Variants in MCTP1 observed in about 807,000 individuals in gnomAD.
MCTP1 encodes the protein multiple C2 and transmembrane domain containing 1.
In MCTP1, 69 loss-of-function variants were observed where a neutral mutation model predicts 120.6. The ratio of observed to expected loss-of-function variants is 0.57; its 90% CI spans 0.47 to 0.70. The LOEUF (loss-of-function observed/expected upper bound fraction) is 0.70, where lower values mean the gene tolerates loss of function less well. Ranked by LOEUF, MCTP1 falls within the 30% of genes least tolerant of loss-of-function variation. The pLI, the probability that MCTP1 is intolerant of heterozygous loss-of-function variation, is 0.00. For missense variants in MCTP1, 1,203 were observed against 1,248.8 expected (o/e 0.96, Z 0.55); for synonymous variants, 529 against 493.1 (o/e 1.07, Z -0.96).
chr5:94,995,758 C>T (rs1832503532), intron 2 of MCTP1, among the ~76,000 whole-genome samples: 1 of 152,042 alleles, frequency 6.6e-6, no homozygotes, highest in African/African-American at 2.4e-5. Context: ...TTAATAGATG[C>T]ATAAAAATTT....
chr5:94,929,138 C>T (rs1358993098), intron 6 of MCTP1, among the ~76,000 whole-genome samples: 1 of 152,054 alleles, frequency 6.6e-6, no homozygotes, highest in East Asian at 1.9e-4. Context: ...TTTAAAAGAA[C>T]AACAACCGAG....
intron 1 of MCTP1, among the ~76,000 whole-genome samples, chr5:95,167,312 T>C (rs1335308002): frequency 2.0e-5 from 3 of 152,238 alleles, no homozygotes; most frequent in Non-Finnish European, 2.9e-5. Context: ...CTATCATTGA[T>C]GGACATTTGG....
intron 2 of MCTP1, among the ~76,000 whole-genome samples, chr5:94,994,748 C>A (rs1247829525): frequency 6.6e-6 from 1 of 152,224 alleles, no homozygotes; most frequent in South Asian, 2.1e-4. Context: ...AAAAGGCAGA[C>A]CCGCCCTCCA....
chr5:94,900,373 G>C (rs1167007057), intron 10 of MCTP1, among the ~76,000 whole-genome samples: 1 of 152,158 alleles, frequency 6.6e-6, no homozygotes, highest in African/African-American at 2.4e-5. Flanking sequence ...CTGGTGCACT[G>C]TAAGTATTAA....
chr5:94,817,461 A>G (rs1316964268), intron 17 of MCTP1, among the ~76,000 whole-genome samples: 2 of 151,590 alleles, frequency 1.3e-5, no homozygotes, highest in African/African-American at 4.9e-5. Context: ...TTTACTATGC[A>G]GAAGGAGTTG....
At chr5:95,243,160 G>T (rs529342106) in intron 1 of MCTP1, among the ~76,000 whole-genome samples, 1 of 151,966 alleles carries the variant, frequency 6.6e-6, no homozygotes, top group African/African-American at 2.4e-5. Context: ...CGAAAGTAAC[G>T]GATAAGTAGA....
intron 1 of MCTP1, among the ~76,000 whole-genome samples, chr5:95,155,085 G>A (rs1397854497): frequency 2.0e-5 from 3 of 152,128 alleles, no homozygotes; most frequent in African/African-American, 4.8e-5. Flanking sequence ...ATAATTATTA[G>A]TGAAATCAAA....
intron 10 of MCTP1, among the ~76,000 whole-genome samples, chr5:94,906,448 T>TGCA (rs1806956090): frequency 6.6e-6 from 1 of 152,136 alleles, no homozygotes; most frequent in Admixed American, 6.6e-5. Flanking sequence ...GTCGCACCAC[T>TGCA]GCACTCCAGC....
At chr5:95,024,346 C>G (rs1367052392) in intron 1 of MCTP1, among the ~76,000 whole-genome samples, 1 of 152,076 alleles carries the variant, frequency 6.6e-6, no homozygotes, top group Non-Finnish European at 1.5e-5. Flanking sequence ...TTCAAAGAAT[C>G]AAGGCCAAAA....
intron 19 of MCTP1, among the ~76,000 whole-genome samples, chr5:94,743,675 T>C (rs1365827477): frequency 7.0e-6 from 1 of 143,492 alleles, no homozygotes; most frequent in Admixed American, 7.3e-5. Context: ...TCTCCCTCTG[T>C]CGCCCAGGCT....
At chr5:95,187,727 G>C (rs1749375891) in intron 1 of MCTP1, among the ~76,000 whole-genome samples, 1 of 152,042 alleles carries the variant, frequency 6.6e-6, no homozygotes, top group African/African-American at 2.4e-5. Context: ...AGGGATTGGG[G>C]GTAGGGGGAA....
At chr5:95,027,040 T>C (rs1288950292) in intron 1 of MCTP1, among the ~76,000 whole-genome samples, 4 of 152,168 alleles carry the variant, frequency 2.6e-5, no homozygotes, top group Non-Finnish European at 5.9e-5. Flanking sequence ...TCAAAGCTTT[T>C]TAAAACCTAA....
At chr5:95,245,163 A>G (rs1024941174) in intron 1 of MCTP1, among the ~76,000 whole-genome samples, 2 of 152,224 alleles carry the variant, frequency 1.3e-5, no homozygotes, top group African/African-American at 4.8e-5. Flanking sequence ...CCCCATCTGT[A>G]GGTCACCAAC....
intron 10 of MCTP1, among the ~76,000 whole-genome samples, chr5:94,900,879 C>A (rs1805338620): frequency 6.6e-6 from 1 of 152,148 alleles, no homozygotes; most frequent in Non-Finnish European, 1.5e-5. Context: ...ACACAGGAAT[C>A]ATGGATGAAA....
chr5:95,258,822 T>C (rs1271720469), intron 1 of MCTP1, among the ~76,000 whole-genome samples: 1 of 152,206 alleles, frequency 6.6e-6, no homozygotes, highest in Non-Finnish European at 1.5e-5. Flanking sequence ...AGGAAATCTC[T>C]GTCCCAACAG....
chr5:94,931,822 T>C (rs1288431913), intron 6 of MCTP1, 131 bp downstream of exon 6: 36 of 720,722 alleles, frequency 5.0e-5, no homozygotes, highest in Non-Finnish European at 3.2e-5. Context: ...TGGCTTAAAT[T>C]TATGGGGAAA....
At chr5:95,263,904 CA>C (rs931601878) in intron 1 of MCTP1, among the ~76,000 whole-genome samples, 12 of 152,306 alleles carry the variant, frequency 7.9e-5, no homozygotes, top group African/African-American at 2.9e-4. Flanking sequence ...AGTCTCCACC[CA>C]GGGGCAGGCA....
At chr5:95,106,638 C>T (rs1757109746) in intron 1 of MCTP1, among the ~76,000 whole-genome samples, 2 of 152,154 alleles carry the variant, frequency 1.3e-5, no homozygotes. Context: ...ATTCAACAAA[C>T]ATGAATTGAA....
At chr5:95,059,672 A>G (rs1300350853) in intron 1 of MCTP1, among the ~76,000 whole-genome samples, 3 of 152,162 alleles carry the variant, frequency 2.0e-5, no homozygotes, top group South Asian at 2.1e-4. Context: ...CCTTAGTTAT[A>G]TCTTAGAAAC....
Sources: allele counts gnomAD v4.1 joint callset (sites outside exome capture counted in the v4.1 genomes callset), GRCh38; gene constraint gnomAD v4.1.1; transcripts MANE v1.5; gene names NCBI Gene and HGNC (gene_info 2026-07-23, HGNC 2026-07-21).